The following TXK variants were observed in gnomAD, a reference collection of about 807,000 sequenced individuals.
TXK encodes TXK tyrosine kinase.
Under a neutral mutation model 81.0 loss-of-function variants are expected in TXK, and 60 were observed. The ratio of observed to expected loss-of-function variants is 0.74; its 90% CI spans 0.60 to 0.92. The LOEUF (loss-of-function observed/expected upper bound fraction) is 0.92. Ranked by LOEUF, TXK falls within the 40% of genes least tolerant of loss-of-function variation. TXK has a pLI of 0.00. For synonymous variants in TXK, 203 were observed against 210.7 expected (o/e 0.96, Z 0.32); for missense variants, 581 against 638.3 (o/e 0.91, Z 0.97).
intron 6 of TXK, among the ~76,000 whole-genome samples, chr4:48,098,593 C>T (rs114889476): frequency 0.011 from 1,619 of 151,458 alleles, 21 homozygotes; most frequent in Middle Eastern, 0.02. Flanking sequence ...GTGTGTACTT[C>T]CTTAACACAA....
intron 1 of TXK, among the ~76,000 whole-genome samples, chr4:48,124,387 TA>T (rs1375412915): frequency 6.6e-6 from 1 of 152,112 alleles, no homozygotes; most frequent in African/African-American, 2.4e-5. Context: ...GACCAGATTG[TA>T]AGCTTCTCAA....
intron 1 of TXK, among the ~76,000 whole-genome samples, chr4:48,118,931 C>A (rs749256981): frequency 6.6e-6 from 1 of 152,102 alleles, no homozygotes; most frequent in African/African-American, 2.4e-5. Context: ...GGACTAATTA[C>A]AAAGAAGTGA....
Position 48,067,636 on chromosome 4 carries a change from G to A in TXK, c.*1C>T, listed in dbSNP as rs761986798. On this transcript the variant is annotated 3_prime_UTR_variant, in exon 15 of 15. Transcript: ENST00000264316. ...TCTTTGGGTTGGCATTCTGTTTCCGGTCACCAGGTTTCCGCAATCTCTGTG... is the reference window on the plus strand; with the variant it reads ...TCTTTGGGTTGGCATTCTGTTTCCGATCACCAGGTTTCCGCAATCTCTGTG... The A allele has an allele frequency of 1.2e-6, 2 of 1,613,850 alleles. No individual in the cohort carries two copies. The highest frequency in any genetic ancestry group is 8.5e-7 in the Non-Finnish European group (1 of 1,179,938).
intron 6 of TXK, among the ~76,000 whole-genome samples, chr4:48,095,426 T>G (rs1717944536): frequency 6.6e-6 from 1 of 152,198 alleles, no homozygotes; most frequent in South Asian, 2.1e-4. Flanking sequence ...TAAAATAAAT[T>G]GTAATTGGGA....
rs2109457871 is a variant in TXK at position 48,104,957 on chromosome 4, T to G, written c.447-2A>C. Reference sequence around the variant, plus strand: ...CTGGTAATGTTTCTATGGTACCACCTGTAAAAGCAATAAAAATGATTTTTA... The same window carrying G: ...CTGGTAATGTTTCTATGGTACCACCGGTAAAAGCAATAAAAATGATTTTTA... On this transcript the variant is annotated splice_acceptor_variant, in intron 5 of 14. Transcript: ENST00000264316. LOFTEE classifies it high-confidence loss of function. 1 of 1,578,566 alleles carries G rather than the reference T, an allele frequency of 6.3e-7. No individual in the cohort carries two copies. Among genetic ancestry groups the G allele is most frequent in the African/African-American group, 1.4e-5 (1 of 73,736 alleles).
chr4:48,095,141 A>C lies in TXK; in HGVS notation c.581+2T>G. 6.2e-7 allele frequency: 1 copy of C among 1,609,524 alleles called. No homozygotes were observed. The highest frequency in any genetic ancestry group is 8.5e-7 in the Non-Finnish European group (1 of 1,176,012). On this transcript the variant is annotated splice_donor_variant, in intron 7 of 14. Transcript: ENST00000264316. LOFTEE classifies it high-confidence loss of function. ...ATAGTAACCAAAATCACAAGTGCTT[A>C]CCTTCTAGCTCCCATAAATACGGAA... is the stretch of plus-strand genomic sequence containing the variant.
rs531117819 is a variant in TXK, at chr4:48,087,582, C to A, written c.785-945G>T. ...TCCCAAGTAGCTGGGATTACAGGCACGCCATCACGCCTTGATAATTTTTTG... is the reference window on the plus strand; with the variant it reads ...TCCCAAGTAGCTGGGATTACAGGCAAGCCATCACGCCTTGATAATTTTTTG... On this transcript the variant is annotated intron_variant, in intron 9 of 14. Transcript: ENST00000264316. Among the ~76,000 whole-genome samples, 34 of 152,076 alleles carry A rather than the reference C, an allele frequency of 2.2e-4. No individual in the cohort carries two copies. In the South Asian group the frequency reaches 2.5e-3, roughly 11 times the overall value.
intron 11 of TXK, among the ~76,000 whole-genome samples, chr4:48,076,993 AT>A (rs1042041204): frequency 3.9e-5 from 6 of 152,030 alleles, no homozygotes; most frequent in Non-Finnish European, 7.4e-5. Context: ...AAAATAGTGT[AT>A]TTTTTTTAAC....
Position 48,094,129 on chromosome 4 carries a change from G to A in TXK, c.657C>T (p.His219=), listed in dbSNP as rs768597071. 49 of 1,613,472 alleles carry A rather than the reference G, an allele frequency of 3.0e-5. No individual in the cohort carries two copies. Among genetic ancestry groups the A allele is most frequent in the Non-Finnish European group, 3.6e-5 (43 of 1,179,810 alleles). ...TTAACTCAGGGATTGATTGAAAGGC[G>A]TGTCTTTCAGCCACATACCACTGTC... ...DSGQWYVAER[H]AFQSIPELIW... The change falls in exon 8 of 15, where the codon CAC becomes CAT. Residue 219 remains histidine (H), a synonymous_variant. Transcript: ENST00000264316.
At chr4:48,075,720 A>G (rs1458114221) in intron 12 of TXK, among the ~76,000 whole-genome samples, 1 of 152,108 alleles carries the variant, frequency 6.6e-6, no homozygotes, top group Non-Finnish European at 1.5e-5. Context: ...TACCTGTTTG[A>G]ATGGCCAGCC....
intron 1 of TXK, among the ~76,000 whole-genome samples, chr4:48,132,104 T>C (rs1210539779): frequency 1.3e-5 from 2 of 152,216 alleles, no homozygotes; most frequent in East Asian, 1.9e-4. Context: ...GGATTTCGCT[T>C]AAACAGATGA....
At chr4:48,104,994 C>A in intron 5 of TXK, 39 bp from the exon 6 acceptor site, 2 of 1,458,666 alleles carry the variant, frequency 1.4e-6, no homozygotes, top group South Asian at 2.7e-5. Flanking sequence ...ATTTTATATT[C>A]AATTTTTTTA....
intron 1 of TXK, among the ~76,000 whole-genome samples, chr4:48,129,609 C>T (rs1490489953): frequency 6.6e-6 from 1 of 152,148 alleles, no homozygotes; most frequent in Non-Finnish European, 1.5e-5. Context: ...TAAGGAAAGG[C>T]AGAAATCTTC....
chr4:48,120,242 C>T lies in TXK; in HGVS notation c.17-5840G>A, dbSNP rs187708183. 2.5e-3 allele frequency among the ~76,000 whole-genome samples: 343 copies of T among 134,822 alleles called. 3 individuals carry two copies. Among genetic ancestry groups the T allele is most frequent in the African/African-American group, 8.0e-3 (312 of 39,066 alleles). 88.4% of individuals were successfully genotyped at this position (134,822 alleles called of 152,430 possible). ...ACATATATACGTATATATGTATATA[C>T]GTATATGTGTATATATACATACACA... On this transcript the variant is annotated intron_variant, in intron 1 of 14. Coordinates refer to ENST00000264316, the MANE Select transcript of TXK (RefSeq NM_003328.3).
chr4:48,074,954 T>C (rs1358155071), intron 12 of TXK, among the ~76,000 whole-genome samples: 1 of 152,140 alleles, frequency 6.6e-6, no homozygotes, highest in Non-Finnish European at 1.5e-5. Context: ...GATTGAGTTA[T>C]TAACAAAATA....
At chr4:48,103,175 G>A (rs980398334) in intron 6 of TXK, among the ~76,000 whole-genome samples, 3 of 152,190 alleles carry the variant, frequency 2.0e-5, no homozygotes, top group African/African-American at 7.2e-5. Flanking sequence ...CTTCTTGTCA[G>A]ATGCAGAAGC....
intron 5 of TXK, among the ~76,000 whole-genome samples, chr4:48,107,332 T>C (rs1718487826): frequency 6.6e-6 from 1 of 151,914 alleles, no homozygotes. Flanking sequence ...CAAAGGTTCC[T>C]CTGAAATATC....
At chr4:48,104,485 A>T (rs369089838) in intron 6 of TXK, among the ~76,000 whole-genome samples, 1 of 1,010 alleles carries the variant, frequency 9.9e-4, no homozygotes, top group Non-Finnish European at 1.3e-3. Flanking sequence ...TTATATATAT[A>T]ATATATAATA....
chr4:48,101,280 A>G (rs1172817239), intron 6 of TXK, among the ~76,000 whole-genome samples: 1 of 152,192 alleles, frequency 6.6e-6, no homozygotes, highest in Non-Finnish European at 1.5e-5. Flanking sequence ...AGGAAATTCA[A>G]TCAGTAGTCA....
Sources: allele counts gnomAD v4.1 joint callset (sites outside exome capture counted in the v4.1 genomes callset), GRCh38; gene constraint gnomAD v4.1.1; transcripts MANE v1.5; gene names NCBI Gene and HGNC (gene_info 2026-07-23, HGNC 2026-07-21).